Variants in CSMD1 observed in about 807,000 individuals in gnomAD.
CSMD1 encodes the protein CUB and sushi domain-containing protein 1.
CSMD1 carries 213 observed loss-of-function variants against 417.5 expected under a neutral mutation model. The observed-to-expected ratio is 0.51, with a 90% CI of 0.46 to 0.57. The LOEUF is 0.57. Among genes scored for constraint, CSMD1 ranks in the 20% least tolerant of loss-of-function variants. The pLI is 0.00. For synonymous variants in CSMD1, 2,862 were observed against 1,736.8 expected (o/e 1.65, Z -16.11); for missense variants, 6,923 against 4,529.7 (o/e 1.53, Z -15.17).
intron 2 of CSMD1, among the ~76,000 whole-genome samples, chr8:4,489,831 T>C (rs1279456188): frequency 6.6e-6 from 1 of 152,168 alleles, no homozygotes; most frequent in African/African-American, 2.4e-5. Flanking sequence ...GCCACCTGAC[T>C]TGCAGCCTTG....
chr8:3,376,966 C>G (rs982061995), intron 18 of CSMD1, among the ~76,000 whole-genome samples: 2 of 152,154 alleles, frequency 1.3e-5, no homozygotes, highest in Non-Finnish European at 2.9e-5. Flanking sequence ...GACTGAAACT[C>G]CCATATCAAA....
At chr8:4,574,911 T>A (rs1022946911) in intron 2 of CSMD1, among the ~76,000 whole-genome samples, 4 of 152,214 alleles carry the variant, frequency 2.6e-5, no homozygotes, top group Non-Finnish European at 5.9e-5. Context: ...CATACACACA[T>A]ATAATTTTGT....
chr8:3,662,283 G>A (rs748307511), intron 7 of CSMD1, among the ~76,000 whole-genome samples: 2 of 152,106 alleles, frequency 1.3e-5, no homozygotes, highest in African/African-American at 4.8e-5. Flanking sequence ...CTTTCTCATT[G>A]TCACTAGTGA....
chr8:4,460,885 A>T (rs892259878), intron 2 of CSMD1, among the ~76,000 whole-genome samples: 1 of 152,162 alleles, frequency 6.6e-6, no homozygotes, highest in African/African-American at 2.4e-5. Flanking sequence ...AATTCTTTCC[A>T]AAAATAGAAG....
At chr8:4,155,358 C>T (rs745475182) in intron 3 of CSMD1, among the ~76,000 whole-genome samples, 5 of 152,146 alleles carry the variant, frequency 3.3e-5, no homozygotes, top group African/African-American at 4.8e-5. Context: ...GGTAAACAGC[C>T]ACGCTGCTTC....
chr8:4,458,098 A>G (rs908210897), intron 2 of CSMD1, among the ~76,000 whole-genome samples: 23 of 151,902 alleles, frequency 1.5e-4, no homozygotes, highest in African/African-American at 3.9e-4. Context: ...TATATACTTA[A>G]TATTTCTTTA....
rs1027934102 is a variant in CSMD1 at position 3,309,277 on chromosome 8, TC to T, written c.3632-775del. 1.2e-3 allele frequency among the ~76,000 whole-genome samples: 182 copies of T among 151,944 alleles called. 1 individual carries two copies. Among genetic ancestry groups the T allele is most frequent in the African/African-American group, 4.2e-3 (173 of 41,434 alleles). On this transcript the variant is annotated intron_variant, in intron 23 of 69. Coordinates refer to ENST00000635120, the MANE Select transcript of CSMD1 (RefSeq NM_033225.6). Reference sequence around the variant, plus strand: ...GCCCATTGTCAAGACCCGCCCACCTTCCCGACAACTTCTTCCAAACTCCAAG... The same window carrying T: ...GCCCATTGTCAAGACCCGCCCACCTTCCGACAACTTCTTCCAAACTCCAAG...
At chr8:3,814,774 C>G (rs1178257752) in intron 5 of CSMD1, among the ~76,000 whole-genome samples, 2 of 152,152 alleles carry the variant, frequency 1.3e-5, no homozygotes, top group African/African-American at 4.8e-5. Flanking sequence ...GACTATTCTG[C>G]CACGATTTTC....
chr8:3,790,568 C>T (rs1183278656), intron 5 of CSMD1, among the ~76,000 whole-genome samples: 1 of 152,042 alleles, frequency 6.6e-6, no homozygotes, highest in African/African-American at 2.4e-5. Flanking sequence ...TAGGAACAAT[C>T]ATAATTTTTT....
chr8:3,100,362 G>A (rs921725572), intron 46 of CSMD1, among the ~76,000 whole-genome samples: 1 of 152,210 alleles, frequency 6.6e-6, no homozygotes, highest in Non-Finnish European at 1.5e-5. Flanking sequence ...ATGAGCGAAA[G>A]TGATTTGTTT....
At chr8:4,787,223 T>TG (rs1208853504) in intron 1 of CSMD1, 6 of 486,954 alleles carry the variant, frequency 1.2e-5, no homozygotes, top group South Asian at 1.2e-4. Flanking sequence ...GGGGCGCGCC[T>TG]GGGGGCCGCG....
chr8:3,968,653 C>G (rs558176942), intron 5 of CSMD1, among the ~76,000 whole-genome samples: 1 of 152,108 alleles, frequency 6.6e-6, no homozygotes, highest in Non-Finnish European at 1.5e-5. Context: ...CTCTACTGTC[C>G]TAAATCCCGA....
chr8:3,907,093 A>C (rs2688288), intron 5 of CSMD1, among the ~76,000 whole-genome samples: 24,337 of 152,218 alleles, frequency 0.16, 2,399 homozygotes, highest in African/African-American at 0.28. Context: ...CCCATGACTC[A>C]AAATCCCTTC....
chr8:3,722,052 T>G (rs1267540735), intron 6 of CSMD1, among the ~76,000 whole-genome samples: 1 of 152,070 alleles, frequency 6.6e-6, no homozygotes, highest in Non-Finnish European at 1.5e-5. Context: ...GTCAGAAGCA[T>G]AAGGAAGAGG....
intron 3 of CSMD1, among the ~76,000 whole-genome samples, chr8:4,357,266 G>C (rs544078644): frequency 1.3e-5 from 2 of 152,238 alleles, no homozygotes; most frequent in East Asian, 1.9e-4. Context: ...GGACTAAAAA[G>C]TAACCTTATA....
At chr8:2,958,961 C>A (rs773061246) in intron 62 of CSMD1, among the ~76,000 whole-genome samples, 2 of 152,194 alleles carry the variant, frequency 1.3e-5, no homozygotes, top group African/African-American at 2.4e-5. Flanking sequence ...AAAAAAAATG[C>A]TGCTTCTAGC....
At chr8:3,918,578 G>A (rs1237958992) in intron 5 of CSMD1, among the ~76,000 whole-genome samples, 1 of 151,656 alleles carries the variant, frequency 6.6e-6, no homozygotes, top group Non-Finnish European at 1.5e-5. Context: ...ATATATTTTG[G>A]ACATTAACCC....
intron 10 of CSMD1, among the ~76,000 whole-genome samples, chr8:3,545,146 T>C (rs1798605723): frequency 1.3e-5 from 2 of 152,186 alleles, no homozygotes; most frequent in Non-Finnish European, 2.9e-5. Flanking sequence ...CCGTCATTAC[T>C]TGCAATCTAT....
chr8:4,633,233 T>G (rs771682057), intron 2 of CSMD1, among the ~76,000 whole-genome samples: 3 of 151,900 alleles, frequency 2.0e-5, no homozygotes, highest in Admixed American at 6.6e-5. Flanking sequence ...AAAGGTGTTT[T>G]TTTATGTGTT....
Sources: gnomAD v4.1 joint callset for allele counts (sites outside exome capture counted in the v4.1 genomes callset) on GRCh38, gnomAD v4.1.1 for gene constraint, MANE v1.5 for transcripts, NCBI Gene and HGNC (gene_info 2026-07-23, HGNC 2026-07-21) for gene names.